Variants in COIL observed in about 807,000 individuals in gnomAD.
The protein encoded by COIL is coilin p80.
Under a neutral mutation model 51.6 loss-of-function variants are expected in COIL, and 28 were observed. The ratio of observed to expected loss-of-function variants is 0.54; its 90% CI spans 0.40 to 0.74. The LOEUF is 0.74. Ranked by LOEUF, COIL falls within the 30% of genes least tolerant of loss-of-function variation. The pLI, the probability that COIL is intolerant of heterozygous loss-of-function variation, is 0.00. For synonymous variants in COIL, 233 were observed against 255.8 expected, an observed-to-expected ratio of 0.91 and a Z score of 0.85; for missense variants, 667 against 685.9, an observed-to-expected ratio of 0.97 and a Z score of 0.31.
chr17:56,955,813 A>T (rs1910472107), intron 1 of COIL, among the ~76,000 whole-genome samples: 1 of 152,240 alleles, frequency 6.6e-6, no homozygotes. Flanking sequence ...CTAATTTGAC[A>T]GTACTTATCA....
At chr17:56,951,954 C>T (rs1192617559) in intron 1 of COIL, among the ~76,000 whole-genome samples, 1 of 152,078 alleles carries the variant, frequency 6.6e-6, no homozygotes, top group Non-Finnish European at 1.5e-5. Context: ...GCGCCTGCCA[C>T]TATGCCTCGC....
In COIL at chr17:56,938,600, T is replaced by C. The variant is rs572925074; in HGVS notation, c.*471A>G. The C allele has an allele frequency of 1.2e-4, 19 of 152,524 alleles. No individual in the cohort carries two copies. Among genetic ancestry groups the C allele is most frequent in the African/African-American group, 4.6e-4 (19 of 41,578 alleles). 9.4% of individuals were successfully genotyped at this position (152,524 alleles called of 1,614,324 possible). A position where few individuals can be genotyped will look rare whatever the true frequency, so the allele number is the denominator to read the frequency against. ...CCTGTTAACTCTTAACAATTGCAAG[T>C]ATAAAATACTTGAAATTTACAAGAT... On this transcript the variant is annotated 3_prime_UTR_variant, in exon 7 of 7. Transcript: ENST00000240316.
intron 1 of COIL, 84 bp from the exon 2 acceptor site, chr17:56,951,080 AC>A: frequency 1.6e-6 from 2 of 1,232,454 alleles, no homozygotes; most frequent in Non-Finnish European, 2.2e-6. Flanking sequence ...AGATGACTCT[AC>A]AAAATGTAAC....
At position 56,950,914 on chromosome 17, in the gene COIL, T is replaced by C; in HGVS notation, c.328A>G (p.Lys110Glu). 1.9e-6 allele frequency: 3 copies of C among 1,613,748 alleles called. No individual in the cohort carries two copies. Among genetic ancestry groups the C allele is most frequent in the Non-Finnish European group, 2.5e-6 (3 of 1,180,024 alleles). The change falls in exon 2 of 7, where the codon AAG (lysine) becomes GAG (glutamate). Residue 110 changes from lysine to glutamate, a missense_variant. Coordinates refer to ENST00000240316, the MANE Select transcript of COIL (RefSeq NM_004645.3). ...GDINLSLRKA[K>E]KRAFQLEEGE... ...TCCTCTAACTGAAATGCCCGCTTCT[T>C]TGCTTTTCTAAGAGATAAATTAATG... is the stretch of plus-strand genomic sequence containing the variant.
intron 1 of COIL, among the ~76,000 whole-genome samples, chr17:56,955,549 C>T (rs531711470): frequency 2.6e-5 from 4 of 152,314 alleles, no homozygotes; most frequent in South Asian, 2.1e-4. Flanking sequence ...TGCCTGGGTT[C>T]AAATGCTATT....
chr17:56,951,670 T>A (rs1302508371), intron 1 of COIL: 1 of 153,088 alleles, frequency 6.5e-6, no homozygotes, highest in South Asian at 2.1e-4. Context: ...ACCACAGTGG[T>A]GCACATGAAT....
intron 5 of COIL, 136 bp from the exon 6 acceptor site, chr17:56,942,259 A>G: frequency 1.4e-6 from 1 of 710,124 alleles, no homozygotes. Flanking sequence ...GGGTATGTAC[A>G]GGAAAGCACA....
At position 56,950,565 on chromosome 17, in the gene COIL, C is replaced by G; in HGVS notation, c.677G>C (p.Ser226Thr). The G allele has an allele frequency of 6.2e-7, 1 of 1,614,208 alleles. No individual in the cohort carries two copies. Among genetic ancestry groups the G allele is most frequent in the Non-Finnish European group, 8.5e-7 (1 of 1,180,032 alleles). The change falls in exon 2 of 7, where the codon AGC becomes ACC. Residue 226 changes from serine (S) to threonine (T), a missense_variant. Coordinates refer to ENST00000240316, the MANE Select transcript of COIL (RefSeq NM_004645.3). Reference sequence around the variant, plus strand: ...ACCTTTCCTTTTGGCTTTAACAAGGCTGTTTCTAGCAGAACCTTTTGGAGA... The same window carrying G: ...ACCTTTCCTTTTGGCTTTAACAAGGGTGTTTCTAGCAGAACCTTTTGGAGA... ...CSSPKGSARN[S>T]LVKAKRKGSV...
intron 1 of COIL, among the ~76,000 whole-genome samples, chr17:56,957,998 T>G (rs563463094): frequency 6.6e-6 from 1 of 152,362 alleles, no homozygotes; most frequent in South Asian, 2.1e-4. Context: ...CACAACCTAG[T>G]TCCACTTTTC....
chr17:56,957,187 G>A (rs899398653), intron 1 of COIL, among the ~76,000 whole-genome samples: 1 of 152,058 alleles, frequency 6.6e-6, no homozygotes, highest in Non-Finnish European at 1.5e-5. Context: ...GTTCGAGGCT[G>A]TATAAGCCAA....
chr17:56,950,004 C>T lies in COIL; in HGVS notation c.1238G>A (p.Arg413Gln), dbSNP rs750824409. ...ATGCCCTCGTCCTCGACCTCTCCCCCGCATGCCCCGTCCCTTAGCTCCCTT... is the reference window on the plus strand; with the variant it reads ...ATGCCCTCGTCCTCGACCTCTCCCCTGCATGCCCCGTCCCTTAGCTCCCTT... ...SWKGAKGRGM[R>Q]GRGRGRGHPV... The change falls in exon 2 of 7, where the codon CGG becomes CAG. Residue 413 changes from arginine (R) to glutamine (Q), a missense_variant. Coordinates refer to ENST00000240316, the MANE Select transcript of COIL (RefSeq NM_004645.3). The T allele has an allele frequency of 5.9e-5, 96 of 1,614,056 alleles. No homozygotes were observed. Among genetic ancestry groups the T allele is most frequent in the Non-Finnish European group, 8.1e-5 (95 of 1,180,024 alleles).
intron 6 of COIL, 92 bp downstream of exon 6, chr17:56,941,943 G>T: frequency 9.8e-7 from 1 of 1,020,968 alleles, no homozygotes; most frequent in Non-Finnish European, 1.5e-6. Context: ...ATTCCCCCCA[G>T]GGCCTGTAGT....
intron 5 of COIL, among the ~76,000 whole-genome samples, chr17:56,944,874 G>A (rs573031282): frequency 4.0e-5 from 6 of 151,298 alleles, no homozygotes; most frequent in South Asian, 2.1e-4. Context: ...AAAATTAGCC[G>A]GGCATGGCGG....
Position 56,939,028 on chromosome 17 carries a change from CACAA to C in COIL, c.*39_*42del, listed in dbSNP as rs772684443. On this transcript the variant is annotated 3_prime_UTR_variant, in exon 7 of 7. Transcript: ENST00000240316. ...AAAAAGTTTGGGTTATAGTCACTTT[CACAA>C]ACAAGACATTCATAAACTATAAGGT... 101 of 1,146,496 alleles carry C rather than the reference CACAA, an allele frequency of 8.8e-5. No homozygotes were observed. Among genetic ancestry groups the C allele is most frequent in the Admixed American group, 2.6e-4 (12 of 45,674 alleles). 71.0% of individuals were successfully genotyped at this position (1,146,496 alleles called of 1,614,324 possible).
chr17:56,944,737 G>A (rs1279987991), intron 5 of COIL, among the ~76,000 whole-genome samples: 1 of 152,242 alleles, frequency 6.6e-6, no homozygotes, highest in Non-Finnish European at 1.5e-5. Flanking sequence ...TAAACAGAAG[G>A]CCAGGTGCGG....
rs1487759332 is a variant in COIL, at chr17:56,961,038, G to T, written c.-19C>A. On this transcript the variant is annotated 5_prime_UTR_variant, in exon 1 of 7. Coordinates refer to ENST00000240316, the MANE Select transcript of COIL (RefSeq NM_004645.3). ...CTGCCATCTTGCTTGGTGCTCAACG[G>T]AAGCCGAGAGATACCACGGGGCCAC... is the stretch of plus-strand genomic sequence containing the variant. 1.2e-6 allele frequency: 2 copies of T among 1,610,530 alleles called. No homozygotes were observed. Among genetic ancestry groups the T allele is most frequent in the East Asian group, 4.5e-5 (2 of 44,820 alleles).
intron 1 of COIL, among the ~76,000 whole-genome samples, chr17:56,959,324 T>A (rs1910539241): frequency 6.6e-6 from 1 of 151,714 alleles, no homozygotes; most frequent in South Asian, 2.1e-4. Context: ...AGCCTGGGCA[T>A]GGGAAACCCA....
intron 1 of COIL, among the ~76,000 whole-genome samples, chr17:56,959,678 G>A (rs1027508550): frequency 8.5e-5 from 13 of 152,212 alleles, no homozygotes; most frequent in African/African-American, 3.1e-4. Flanking sequence ...AGCAGGTTAT[G>A]AAGAAAACAC....
At chr17:56,939,608 C>T (rs1240639181) in intron 6 of COIL, among the ~76,000 whole-genome samples, 2 of 152,014 alleles carry the variant, frequency 1.3e-5, no homozygotes, top group Non-Finnish European at 2.9e-5. Context: ...GGCATGGTGA[C>T]GCATGCCTGT....
Sources: gnomAD v4.1 joint callset for allele counts (sites outside exome capture counted in the v4.1 genomes callset) on GRCh38, gnomAD v4.1.1 for gene constraint, MANE v1.5 for transcripts, NCBI Gene and HGNC (gene_info 2026-07-23, HGNC 2026-07-21) for gene names.